The following TANGO6 variants were observed in gnomAD, a reference collection of about 807,000 sequenced individuals.
TANGO6 encodes transport and golgi organization 6 homolog.
Under a neutral mutation model 114.2 loss-of-function variants are expected in TANGO6, and 90 were observed. That is an observed-to-expected ratio of 0.79 (90% CI 0.66 to 0.94). TANGO6 has a LOEUF of 0.94. Among genes scored for constraint, TANGO6 ranks in the 40% least tolerant of loss-of-function variants. TANGO6 has a pLI of 0.00. For missense variants in TANGO6, 1,274 were observed against 1,315.3 expected (o/e 0.97, Z 0.49); for synonymous variants, 477 against 509.8 (o/e 0.94, Z 0.87).
chr16:69,010,600 C>T (rs895573994), intron 15 of TANGO6, among the ~76,000 whole-genome samples: 2 of 152,168 alleles, frequency 1.3e-5, no homozygotes, highest in African/African-American at 4.8e-5. Flanking sequence ...AGCAATCTTC[C>T]TCTTGTCTGC....
chr16:68,977,726 C>G (rs547125503), intron 15 of TANGO6, among the ~76,000 whole-genome samples: 56 of 151,646 alleles, frequency 3.7e-4, no homozygotes, highest in Admixed American at 1.1e-3. Flanking sequence ...GATGGAGTCA[C>G]CCAGACTGGA....
intron 6 of TANGO6, 30 bp downstream of exon 6, chr16:68,878,310 G>T: frequency 6.4e-7 from 1 of 1,558,276 alleles, no homozygotes; most frequent in South Asian, 1.3e-5. Context: ...GGCTGTGTGT[G>T]CCTCTAAAGG....
chr16:68,865,409 G>A (rs1962160995), intron 3 of TANGO6, among the ~76,000 whole-genome samples: 1 of 152,002 alleles, frequency 6.6e-6, no homozygotes, highest in Non-Finnish European at 1.5e-5. Flanking sequence ...ACAAGAAAAA[G>A]CAGAACAAAA....
intron 17 of TANGO6, among the ~76,000 whole-genome samples, chr16:69,070,038 C>G (rs970473206): frequency 7.6e-6 from 1 of 131,818 alleles, no homozygotes; most frequent in Non-Finnish European, 1.6e-5. Context: ...AAAACCCTGT[C>G]TGTACTAAAA....
At chr16:68,994,562 T>A (rs1963973840) in intron 15 of TANGO6, among the ~76,000 whole-genome samples, 1 of 151,716 alleles carries the variant, frequency 6.6e-6, no homozygotes, top group Admixed American at 6.6e-5. Flanking sequence ...TCCTATTGTG[T>A]GGCCATTCCT....
Position 68,927,433 on chromosome 16 carries a change from A to G in TANGO6, c.2128-135A>G, listed in dbSNP as rs57629974. The G allele has an allele frequency of 2.3e-3, 1,964 of 855,214 alleles. 28 individuals carry two copies. The African/African-American group carries it at 0.029, about 12-fold the overall frequency. 53.0% of individuals were successfully genotyped at this position (855,214 alleles called of 1,614,324 possible). A position where few individuals can be genotyped will look rare whatever the true frequency, so the allele number is the denominator to read the frequency against. ...ACAAATGGTATTCAGTGCTGGACCC[A>G]GGCAATACACTGATTACACCATGAG... On this transcript the variant is annotated intron_variant, in intron 12 of 17. Coordinates refer to ENST00000261778, the MANE Select transcript of TANGO6 (RefSeq NM_024562.2).
At chr16:68,932,784 C>A (rs913726213) in intron 14 of TANGO6, among the ~76,000 whole-genome samples, 1 of 150,720 alleles carries the variant, frequency 6.6e-6, no homozygotes, top group African/African-American at 2.4e-5. Flanking sequence ...AGTGAGACTC[C>A]GTCTCAGAAA....
chr16:69,021,312 G>T (rs913823201), intron 15 of TANGO6, among the ~76,000 whole-genome samples: 6 of 151,964 alleles, frequency 3.9e-5, no homozygotes. Context: ...CTCTCTTCCT[G>T]GTATGCTCTT....
At chr16:68,953,605 A>G (rs1461797469) in intron 14 of TANGO6, among the ~76,000 whole-genome samples, 2 of 152,174 alleles carry the variant, frequency 1.3e-5, no homozygotes, top group African/African-American at 4.8e-5. Context: ...TTCAGATTCC[A>G]ACTTTACTAG....
At chr16:68,877,916 T>A (rs906246329) in intron 5 of TANGO6, among the ~76,000 whole-genome samples, 9 of 152,218 alleles carry the variant, frequency 5.9e-5, no homozygotes, top group African/African-American at 1.9e-4. Context: ...CCAAAAAATT[T>A]TTTTAATTAA....
At chr16:68,878,674 A>G (rs146199907) in intron 6 of TANGO6, among the ~76,000 whole-genome samples, 104 of 152,314 alleles carry the variant, frequency 6.8e-4, no homozygotes, top group Middle Eastern at 6.8e-3. Flanking sequence ...AGGAAATTTA[A>G]CATTTATACA....
chr16:69,054,954 A>C (rs1352611664), intron 17 of TANGO6, among the ~76,000 whole-genome samples: 1 of 151,714 alleles, frequency 6.6e-6, no homozygotes, highest in Non-Finnish European at 1.5e-5. Context: ...AAAAAAAAAA[A>C]AAAAAAAAAA....
At chr16:68,922,319 C>T (rs1013983561) in intron 12 of TANGO6, among the ~76,000 whole-genome samples, 5 of 151,670 alleles carry the variant, frequency 3.3e-5, no homozygotes, top group African/African-American at 7.3e-5. Context: ...GGGTGGATCA[C>T]GAGGTCAGGA....
intron 16 of TANGO6, among the ~76,000 whole-genome samples, chr16:69,030,995 G>A (rs1354625532): frequency 1.3e-5 from 2 of 152,028 alleles, no homozygotes; most frequent in Non-Finnish European, 2.9e-5. Context: ...GGTGGAGGTT[G>A]CAGTGAACCA....
chr16:68,964,563 ATT>A (rs762474177), intron 14 of TANGO6, among the ~76,000 whole-genome samples: 10,591 of 132,682 alleles, frequency 0.08, 195 homozygotes, highest in African/African-American at 0.12. Flanking sequence ...AAACATATTA[ATT>A]TTTTTTTTTT....
intron 17 of TANGO6, among the ~76,000 whole-genome samples, chr16:69,075,762 CTTTT>C (rs751940886): frequency 7.8e-6 from 1 of 127,570 alleles, no homozygotes. Flanking sequence ...CTGAATTCAA[CTTTT>C]TTTTTTTTTT....
In TANGO6 at chr16:68,860,170, AG is replaced by A; in HGVS notation, c.382del (p.Val128LeufsTer5). ...PGKPNPRTPEVAPALSPDALS... is the reference protein window; with the variant it reads ...PGKPNPRTPEXAPALSPDALS... ...GTAAACCCAACCCTAGGACTCCGGAAGTTGCTCCTGCCCTGAGCCCCGATGC... is the reference window on the plus strand; with the variant it reads ...GTAAACCCAACCCTAGGACTCCGGAATTGCTCCTGCCCTGAGCCCCGATGC... On this transcript the variant is annotated frameshift_variant, in exon 2 of 18. Transcript: ENST00000261778. LOFTEE classifies it high-confidence loss of function. 1.2e-6 allele frequency: 2 copies of A among 1,614,014 alleles called. No individual in the cohort carries two copies. Among genetic ancestry groups the A allele is most frequent in the African/African-American group, 2.7e-5 (2 of 75,060 alleles).
intron 7 of TANGO6, among the ~76,000 whole-genome samples, chr16:68,894,403 G>T (rs944975326): frequency 1.3e-5 from 2 of 151,866 alleles, no homozygotes; most frequent in Non-Finnish European, 2.9e-5. Context: ...CTTGGAAGCA[G>T]CTGGCCAGAG....
At chr16:69,051,482 G>A (rs140758118) in intron 17 of TANGO6, among the ~76,000 whole-genome samples, 89 of 152,146 alleles carry the variant, frequency 5.8e-4, no homozygotes, top group Admixed American at 1.2e-3. Context: ...TTGACAACAC[G>A]GTGAAACATG....
Sources: allele counts gnomAD v4.1 joint callset (sites outside exome capture counted in the v4.1 genomes callset), GRCh38; gene constraint gnomAD v4.1.1; transcripts MANE v1.5; gene names NCBI Gene and HGNC (gene_info 2026-07-23, HGNC 2026-07-21).